Variants in ZNF3 observed in about 807,000 individuals in gnomAD.
The protein encoded by ZNF3 is zinc finger protein 3.
ZNF3 carries 16 observed loss-of-function variants against 36.9 expected under a neutral mutation model. That is an observed-to-expected ratio of 0.43 (90% CI 0.29 to 0.66). ZNF3 has a LOEUF of 0.66. Ranked by LOEUF, ZNF3 falls within the 30% of genes least tolerant of loss-of-function variation. The probability of loss-of-function intolerance (pLI) is 0.13; values close to 1 mark genes in which losing one functional copy is unlikely to be tolerated. For synonymous variants in ZNF3, 201 were observed against 201.9 expected (o/e 1.00, Z 0.04); for missense variants, 462 against 543.1 (o/e 0.85, Z 1.48).
At chr7:100,072,850 T>C (rs1410848879) in intron 5 of ZNF3, among the ~76,000 whole-genome samples, 1 of 152,228 alleles carries the variant, frequency 6.6e-6, no homozygotes, top group African/African-American at 2.4e-5. Context: ...CGTCTCTGTT[T>C]TCACTCCTTT....
chr7:100,064,506 C>T (rs372210258), exon 6 of ZNF3: 20 of 1,613,976 alleles, frequency 1.2e-5, no homozygotes, highest in Non-Finnish European at 1.7e-5. Context: ...ACCACAGAAT[C>T]CACACCGGGG....
chr7:100,077,212 AG>A lies in ZNF3; in HGVS notation c.55+90del, dbSNP rs374169839. On this transcript the variant is annotated intron_variant, in intron 3 of 5. Transcript: ENST00000299667. ...TGTGTCTTATTCACATCTGGATTCT[AG>A]TAGTTAGCCTAGTACCTGGTAAGTG... The A allele has an allele frequency of 8.3e-5, 124 of 1,498,354 alleles. No homozygotes were observed. In the African/African-American group the frequency reaches 1.5e-3, roughly 18 times the overall value. The allele number at this position is 1,498,354 out of a possible 1,614,324, so 92.8% of individuals were successfully genotyped here.
Position 100,070,082 on chromosome 7 carries a change from A to T in ZNF3, c.*1061T>A, listed in dbSNP as rs956105014. 1 of 985,722 alleles carries T rather than the reference A, an allele frequency of 1.0e-6. No individual in the cohort carries two copies. Among genetic ancestry groups the T allele is most frequent in the Non-Finnish European group, 1.2e-6 (1 of 829,946 alleles). The allele number at this position is 985,722 out of a possible 1,614,324, so 61.1% of individuals were successfully genotyped here. Reference sequence around the variant, plus strand: ...TCCCGTCGGTTGGGAAAACTCGGGGAGTGCCATCCTCACCCAGCAACGAGC... The same window carrying T: ...TCCCGTCGGTTGGGAAAACTCGGGGTGTGCCATCCTCACCCAGCAACGAGC... On this transcript the variant is annotated 3_prime_UTR_variant, in exon 6 of 6. Coordinates refer to ENST00000299667, the MANE Select transcript of ZNF3 (RefSeq NM_032924.5).
intron 1 of ZNF3, among the ~76,000 whole-genome samples, chr7:100,080,344 A>G (rs1051137850): frequency 6.6e-6 from 1 of 152,116 alleles, no homozygotes; most frequent in Non-Finnish European, 1.5e-5. Context: ...AAATTCAATG[A>G]CTGGCGACCT....
At chr7:100,080,769 G>A (rs1794872555) in intron 1 of ZNF3, among the ~76,000 whole-genome samples, 2 of 152,070 alleles carry the variant, frequency 1.3e-5, no homozygotes, top group Admixed American at 1.3e-4. Context: ...CCGAGATCGC[G>A]CCACTGCACT....
rs951810455 is a variant in ZNF3, at chr7:100,070,154, T to TTTTG, written c.*985_*988dup. The stretch of plus-strand genomic sequence containing the variant: ...AGCCTGCCTTCTCTGGGCTTCGTTT[T>TTTTG]TTTGTTTTTTTGTTTTTTTTTTCTC... On this transcript the variant is annotated 3_prime_UTR_variant, in exon 6 of 6. Coordinates refer to ENST00000299667, the MANE Select transcript of ZNF3 (RefSeq NM_032924.5). 2 of 966,774 alleles carry TTTTG rather than the reference T, an allele frequency of 2.1e-6. No homozygotes were observed. The highest frequency in any genetic ancestry group is 3.8e-5 in the African/African-American group (2 of 53,044). 59.9% of individuals were successfully genotyped at this position (966,774 alleles called of 1,614,324 possible). A position where few individuals can be genotyped will look rare whatever the true frequency, so the allele number is the denominator to read the frequency against.
intron 2 of ZNF3, chr7:100,078,688 A>T (rs1051188031): frequency 2.0e-5 from 3 of 151,720 alleles, no homozygotes; most frequent in Non-Finnish European, 4.4e-5. Flanking sequence ...TCTGTCTCAA[A>T]CAAAACAAAA....
chr7:100,064,354 C>G (rs149041845), exon 6 of ZNF3: 871 of 1,613,986 alleles, frequency 5.4e-4, no homozygotes, highest in Non-Finnish European at 7.1e-4. Context: ...TGGGGAGAAG[C>G]CTTATCAGTG....
intron 1 of ZNF3, among the ~76,000 whole-genome samples, chr7:100,080,268 T>G (rs1794776639): frequency 6.6e-6 from 1 of 152,178 alleles, no homozygotes; most frequent in Non-Finnish European, 1.5e-5. Flanking sequence ...ATTAGAAGTC[T>G]TCAGGTGATT....
chr7:100,075,107 G>A (rs773799484), intron 5 of ZNF3, 28 bp downstream of exon 5: 7 of 1,564,886 alleles, frequency 4.5e-6, no homozygotes, highest in South Asian at 1.2e-5. Flanking sequence ...ACACCAGCGA[G>A]TTTTGTTGAC....
Position 100,070,162 on chromosome 7 carries a change from TTTTG to T in ZNF3, c.*977_*980del. The T allele has an allele frequency of 1.4e-5, 14 of 967,264 alleles. No homozygotes were observed. The highest frequency in any genetic ancestry group is 1.7e-5 in the Non-Finnish European group (14 of 823,296). 59.9% of individuals were successfully genotyped at this position (967,264 alleles called of 1,614,324 possible). On this transcript the variant is annotated 3_prime_UTR_variant, in exon 6 of 6. Coordinates refer to ENST00000299667, the MANE Select transcript of ZNF3 (RefSeq NM_032924.5). ...TTCTCTGGGCTTCGTTTTTTTGTTT[TTTTG>T]TTTTTTTTTTCTCCCTTTTGGGCTT...
At chr7:100,075,309 T>C in intron 4 of ZNF3, 48 bp from the exon 5 acceptor site, 2 of 1,612,988 alleles carry the variant, frequency 1.2e-6, no homozygotes, top group Non-Finnish European at 1.7e-6. Context: ...GGAATGTGAA[T>C]GGCGGCACCA....
At chr7:100,067,503 C>A (rs927826645), downstream of ZNF3, among the ~76,000 whole-genome samples, 8 of 152,124 alleles carry the variant, frequency 5.3e-5, no homozygotes, top group African/African-American at 1.4e-4. Flanking sequence ...CTCCTGGGCT[C>A]AAGCAGTCCT....
chr7:100,074,465 T>A (rs1486956515), intron 5 of ZNF3, among the ~76,000 whole-genome samples: 1 of 151,968 alleles, frequency 6.6e-6, no homozygotes, highest in Non-Finnish European at 1.5e-5. Context: ...AGAGACAGGG[T>A]CTCGCCATGT....
chr7:100,075,702 C>A, intron 3 of ZNF3, 72 bp from the exon 4 acceptor site: 1 of 1,490,918 alleles, frequency 6.7e-7, no homozygotes, highest in Admixed American at 1.8e-5. Flanking sequence ...GACTTCCCAA[C>A]CCACAGAAAG....
downstream of ZNF3, among the ~76,000 whole-genome samples, chr7:100,065,709 C>A (rs74442395): frequency 0.01 from 1,579 of 151,336 alleles, 26 homozygotes; most frequent in African/African-American, 0.036. Flanking sequence ...TCCACTTGAC[C>A]CTTCTGCCTA....
At position 100,071,389 on chromosome 7, in the gene ZNF3, C is replaced by A; in HGVS notation, c.1095G>T (p.Glu365Asp). Residue 365 changes from glutamate to aspartate, a missense_variant, in exon 6 of 6, where the codon GAG (glutamate) becomes GAT (aspartate). By Grantham distance (45) the Glu-to-Asp change is conservative. Coordinates refer to ENST00000299667, the MANE Select transcript of ZNF3 (RefSeq NM_032924.5). ...LYQHQRIHTG[E>D]KPYECMECGG... ...CACATTCCATACATTCGTAGGGCTT[C>A]TCTCCAGTGTGGATTCTCTGGTGCT... 2.5e-6 allele frequency: 4 copies of A among 1,614,192 alleles called. No individual in the cohort carries two copies. The highest frequency in any genetic ancestry group is 3.4e-6 in the Non-Finnish European group (4 of 1,180,040).
intron 5 of ZNF3, among the ~76,000 whole-genome samples, chr7:100,074,173 A>G (rs1793682544): frequency 6.6e-6 from 1 of 152,060 alleles, no homozygotes; most frequent in Non-Finnish European, 1.5e-5. Context: ...AAGGTACCAG[A>G]TTTGGAGTTA....
At chr7:100,075,766 C>A in intron 3 of ZNF3, 136 bp from the exon 4 acceptor site, 1 of 782,796 alleles carries the variant, frequency 1.3e-6, no homozygotes, top group Non-Finnish European at 2.1e-6. Context: ...TCTAAGTTTG[C>A]TTCCTCTGCA....
Sources: allele counts gnomAD v4.1 joint callset (sites outside exome capture counted in the v4.1 genomes callset), GRCh38; gene constraint gnomAD v4.1.1; transcripts MANE v1.5; gene names NCBI Gene and HGNC (gene_info 2026-07-23, HGNC 2026-07-21).